Variants in CHD1 observed in about 807,000 individuals in gnomAD.
The protein encoded by CHD1 is chromodomain helicase DNA binding protein 1.
A neutral mutation model predicts 224.2 loss-of-function variants in CHD1; 36 were observed. The observed-to-expected ratio is 0.16, with a 90% CI of 0.12 to 0.21. The LOEUF (loss-of-function observed/expected upper bound fraction) is 0.21. Ranked by LOEUF, CHD1 falls within the 10% of genes least tolerant of loss-of-function variation. The pLI is 1.00. For missense variants in CHD1, 1,378 were observed against 1,994.8 expected, an observed-to-expected ratio of 0.69 and a Z score of 5.89; for synonymous variants, 668 against 658.3, an observed-to-expected ratio of 1.01 and a Z score of -0.23.
At chr5:98,868,931 G>C in intron 30 of CHD1, 1 of 620,498 alleles carries the variant, frequency 1.6e-6, no homozygotes, top group Non-Finnish European at 2.1e-6. Flanking sequence ...AGACTAATAA[G>C]GGCTGATATG....
At chr5:98,908,883 T>C (rs2611753) in intron 2 of CHD1, among the ~76,000 whole-genome samples, 1,801 of 152,208 alleles carry the variant, frequency 0.012, 31 homozygotes, top group African/African-American at 0.041. Context: ...TGTGATAAAA[T>C]TATAGTGTTT....
rs563954562 is a variant in CHD1 at position 98,880,535 on chromosome 5, C to T, written c.3060+541G>A. ...GAAAACAGCTAAGATGTAGAGAAAC[C>T]TGTTTCTTCAAACAAATGGCACTTA... On this transcript the variant is annotated intron_variant, in intron 22 of 35. Coordinates refer to ENST00000614616, the MANE Select transcript of CHD1 (RefSeq NM_001270.4). 1.4e-4 allele frequency among the ~76,000 whole-genome samples: 21 copies of T among 152,264 alleles called. No homozygotes were observed. The East Asian group carries it at 4.1e-3, about 29-fold the overall frequency.
At chr5:98,917,248 G>A (rs1347855841) in intron 2 of CHD1, among the ~76,000 whole-genome samples, 3 of 131,738 alleles carry the variant, frequency 2.3e-5, no homozygotes, top group African/African-American at 3.1e-5. Context: ...TAACATACGT[G>A]AAATTTAAGA....
At chr5:98,906,245 G>C (rs1035359693) in intron 2 of CHD1, among the ~76,000 whole-genome samples, 3 of 152,074 alleles carry the variant, frequency 2.0e-5, no homozygotes, top group Non-Finnish European at 4.4e-5. Flanking sequence ...AATAAATGTT[G>C]TATTCATAGA....
chr5:98,860,001 G>T lies in CHD1; in HGVS notation c.4495C>A (p.His1499Asn). Reference protein sequence around the residue: ...DARKLHKLYKHAIKKRQESQQ... With the variant: ...DARKLHKLYKNAIKKRQESQQ... ...GACTCCTGCCGTTTTTTAATAGCAT[G>T]CTTATATAATTTATGTAATTTTCTT... is the stretch of plus-strand genomic sequence containing the variant. The change falls in exon 33 of 36, where the codon CAT becomes AAT. Residue 1499 changes from histidine to asparagine, a missense_variant. Physicochemically the swap from His to Asn is moderately conservative, Grantham distance 68. This residue lies in a region of CHD1 where 278 missense variants were observed against 298.5 expected (regional missense o/e 0.93). Coordinates refer to ENST00000614616, the MANE Select transcript of CHD1 (RefSeq NM_001270.4). 1 of 1,545,536 alleles carries T rather than the reference G, an allele frequency of 6.5e-7. No homozygotes were observed. Among genetic ancestry groups the T allele is most frequent in the Non-Finnish European group, 8.8e-7 (1 of 1,142,582 alleles).
rs371071923 is a variant in CHD1 at position 98,923,156 on chromosome 5, G to A, written c.53+3178C>T. Among the ~76,000 whole-genome samples, 33 of 152,270 alleles carry A rather than the reference G, an allele frequency of 2.2e-4. No individual in the cohort carries two copies. The South Asian group carries it at 6.8e-3, about 32-fold the overall frequency. On this transcript the variant is annotated intron_variant, in intron 2 of 35. Coordinates refer to ENST00000614616, the MANE Select transcript of CHD1 (RefSeq NM_001270.4). ...ATGACAAAAGCTTCTGGGGAAGGGAGTGGGAATTGAGTGTTAATGACAGTA... is the reference window on the plus strand; with the variant it reads ...ATGACAAAAGCTTCTGGGGAAGGGAATGGGAATTGAGTGTTAATGACAGTA...
At chr5:98,885,449 T>C (rs190353861) in intron 18 of CHD1, 129 bp downstream of exon 18, 3 of 650,362 alleles carry the variant, frequency 4.6e-6, no homozygotes, top group Non-Finnish European at 8.0e-6. Context: ...CATTTGCTAA[T>C]CAAAGGTGGC....
chr5:98,897,293 C>T lies in CHD1; in HGVS notation c.1393G>A (p.Ala465Thr). 1 of 1,608,052 alleles carries T rather than the reference C, an allele frequency of 6.2e-7. No individual in the cohort carries two copies. The highest frequency in any genetic ancestry group is 8.5e-7 in the Non-Finnish European group (1 of 1,175,298). The change falls in exon 11 of 36, where the codon GCC (alanine) becomes ACC (threonine). Residue 465 changes from alanine to threonine, a missense_variant. Physicochemically the swap from Ala to Thr is moderately conservative, Grantham distance 58. This residue lies in a region of CHD1 where 86 missense variants were observed against 97.7 expected (regional missense o/e 0.88). Coordinates refer to ENST00000614616, the MANE Select transcript of CHD1 (RefSeq NM_001270.4). ...KVLKQRPRFV[A>T]LKKQPSYIGG... ...ATATAGGATGGCTGCTTCTTCAGGG[C>T]TACAAACCTTGGCCTTTGTTTTAAT...
At chr5:98,905,354 A>G (rs576242659) in intron 2 of CHD1, among the ~76,000 whole-genome samples, 1 of 152,352 alleles carries the variant, frequency 6.6e-6, no homozygotes, top group South Asian at 2.1e-4. Flanking sequence ...TGGCTAAAAC[A>G]TAAGCAATAA....
rs371322975 is a variant in CHD1 at position 98,926,261 on chromosome 5, A to G, written c.53+73T>C. On this transcript the variant is annotated intron_variant, in intron 2 of 35. Coordinates refer to ENST00000614616, the MANE Select transcript of CHD1 (RefSeq NM_001270.4). ...CTATGAGGAAAACTAAATAACAACA[A>G]TAACAATAAAGAAAAAAGTCAAGTT... 4.4e-5 allele frequency: 40 copies of G among 915,350 alleles called. No homozygotes were observed. The African/African-American group carries it at 4.5e-4, about 10-fold the overall frequency. The allele number at this position is 915,350 out of a possible 1,614,324, so 56.7% of individuals were successfully genotyped here. A position where few individuals can be genotyped will look rare whatever the true frequency, so the allele number is the denominator to read the frequency against.
chr5:98,860,267 T>G (rs1561476427), intron 32 of CHD1, 199 bp from the exon 33 acceptor site: 1 of 547,998 alleles, frequency 1.8e-6, no homozygotes, highest in South Asian at 1.7e-5. Flanking sequence ...AAACTAAACA[T>G]TAAATTTTAC....
chr5:98,901,991 C>G (rs192070946), intron 5 of CHD1, among the ~76,000 whole-genome samples: 1 of 152,088 alleles, frequency 6.6e-6, no homozygotes, highest in Admixed American at 6.5e-5. Context: ...ATCTTTTGCA[C>G]CAATTGTAAC....
At chr5:98,901,677 T>C (rs886222652) in intron 5 of CHD1, among the ~76,000 whole-genome samples, 1 of 151,946 alleles carries the variant, frequency 6.6e-6, no homozygotes, top group African/African-American at 2.4e-5. Context: ...CTCGAGAGGT[T>C]GTGATTTTGA....
chr5:98,862,064 G>C (rs991360791), intron 32 of CHD1, among the ~76,000 whole-genome samples: 1 of 152,118 alleles, frequency 6.6e-6, no homozygotes, highest in East Asian at 1.9e-4. Flanking sequence ...GACTGAGGTG[G>C]AAGGATAGCT....
intron 2 of CHD1, among the ~76,000 whole-genome samples, chr5:98,924,082 C>T (rs996505991): frequency 2.9e-4 from 44 of 152,044 alleles, no homozygotes; most frequent in Non-Finnish European, 8.8e-5. Context: ...ATGGTGAGAC[C>T]TCATCTCTAC....
At chr5:98,905,164 GC>G in intron 2 of CHD1, 66 bp from the exon 3 acceptor site, 1 of 1,584,502 alleles carries the variant, frequency 6.3e-7, no homozygotes, top group South Asian at 1.1e-5. Flanking sequence ...TTAGACGTCA[GC>G]AGAAAGCCCC....
intron 24 of CHD1, 106 bp downstream of exon 24, chr5:98,876,292 C>T (rs1311353741): frequency 8.1e-6 from 9 of 1,109,726 alleles, no homozygotes; most frequent in Non-Finnish European, 1.2e-5. Context: ...AACAGATTTG[C>T]CTCTTCTAAA....
In CHD1 at chr5:98,856,520, G is replaced by A; in HGVS notation, c.4993C>T (p.Gln1665Ter). The A allele has an allele frequency of 1.2e-6, 2 of 1,613,894 alleles. No individual in the cohort carries two copies. The highest frequency in any genetic ancestry group is 1.7e-6 in the Non-Finnish European group (2 of 1,179,822). ...CTGCTGGAAGCTCTGTGGTCCATTT[G>A]CCAGTCTGAGTGATACCTATAATCC... is the stretch of plus-strand genomic sequence containing the variant. ...SRDYRYHSDWQMDHRASSSGP... is the reference protein window; with the variant it reads ...SRDYRYHSDW Residue 1665 changes from glutamine to a stop codon, truncating the protein, a stop_gained, in exon 36 of 36, where the codon CAA becomes TAA. Coordinates refer to ENST00000614616, the MANE Select transcript of CHD1 (RefSeq NM_001270.4). LOFTEE classifies it high-confidence loss of function.
rs1751407258 is a variant in CHD1, at chr5:98,897,308, T to G, written c.1378A>C (p.Arg460=). ...PFKDCKVLKQ[R]PRFVALKKQP... is the part of the protein sequence containing the mutation. ...TTCTTCAGGGCTACAAACCTTGGCC[T>G]TTGTTTTAATACCTTTAGTAGAAAT... Residue 460 remains arginine (R), a synonymous_variant, in exon 11 of 36, where the codon AGG becomes CGG. Coordinates refer to ENST00000614616, the MANE Select transcript of CHD1 (RefSeq NM_001270.4). 62 of 1,598,736 alleles carry G rather than the reference T, an allele frequency of 3.9e-5. No homozygotes were observed. Among genetic ancestry groups the G allele is most frequent in the Non-Finnish European group, 5.3e-5 (62 of 1,168,710 alleles).
Sources: gnomAD v4.1 joint callset for allele counts (sites outside exome capture counted in the v4.1 genomes callset) on GRCh38, gnomAD v4.1.1 for gene constraint, gnomAD v4.1.1 regional missense constraint, MANE v1.5 for transcripts, NCBI Gene and HGNC (gene_info 2026-07-23, HGNC 2026-07-21) for gene names.